The following KCNN4 variants were observed in gnomAD, a reference collection of about 807,000 sequenced individuals.
KCNN4 encodes intermediate conductance calcium-activated potassium channel protein 4.
A neutral mutation model predicts 45.2 loss-of-function variants in KCNN4; 31 were observed. That is an observed-to-expected ratio of 0.69 (90% CI 0.52 to 0.92). KCNN4 has a LOEUF of 0.92. Among genes scored for constraint, KCNN4 ranks in the 40% least tolerant of loss-of-function variants. The pLI, the probability that KCNN4 is intolerant of heterozygous loss-of-function variation, is 0.00. For missense variants in KCNN4, 463 were observed against 574.0 expected, an observed-to-expected ratio of 0.81 and a Z score of 1.98; for synonymous variants, 231 against 254.6, an observed-to-expected ratio of 0.91 and a Z score of 0.88.
intron 8 of KCNN4, 188 bp from the exon 9 acceptor site, chr19:43,767,277 G>A (rs777748017): frequency 2.1e-6 from 1 of 473,418 alleles, no homozygotes; most frequent in East Asian, 3.5e-5. Context: ...CAGACAATGT[G>A]CCCAGGACAG....
chr19:43,774,153 G>T lies in KCNN4; in HGVS notation c.683+39C>A. On this transcript the variant is annotated intron_variant, in intron 3 of 8. Coordinates refer to ENST00000648319, the MANE Select transcript of KCNN4 (RefSeq NM_002250.3). The surrounding 1 kb of genome is among the most constrained non-coding windows in gnomAD (Gnocchi z 5.6). ...ACAGGACGGCCGCCGTGGCTGTCCG[G>T]GGTTCCCCCCTGCGCATTTATGCCT... The T allele has an allele frequency of 2.5e-6, 4 of 1,569,668 alleles. No individual in the cohort carries two copies. Among genetic ancestry groups the T allele is most frequent in the Non-Finnish European group, 3.5e-6 (4 of 1,154,384 alleles).
rs1252503599 is a variant in KCNN4 at position 43,774,141 on chromosome 19, C to T, written c.683+51G>A. The T allele has an allele frequency of 3.9e-6, 6 of 1,538,770 alleles. No individual in the cohort carries two copies. Among genetic ancestry groups the T allele is most frequent in the Non-Finnish European group, 5.3e-6 (6 of 1,136,274 alleles). On this transcript the variant is annotated intron_variant, in intron 3 of 8. Transcript: ENST00000648319. The surrounding 1 kb of genome is among the most constrained non-coding windows in gnomAD (Gnocchi z 5.6). ...CTGCACCGCGGCACAGGACGGCCGC[C>T]GTGGCTGTCCGGGGTTCCCCCCTGC...
chr19:43,778,817 C>G (rs1480332877), intron 1 of KCNN4, among the ~76,000 whole-genome samples: 7 of 152,118 alleles, frequency 4.6e-5, no homozygotes, highest in Admixed American at 4.6e-4. Context: ...AGCCCCTCCC[C>G]CTGGGGAGCA....
Position 43,769,956 on chromosome 19 carries a change from G to T in KCNN4, c.820-127C>A. On this transcript the variant is annotated intron_variant, in intron 4 of 8. Transcript: ENST00000648319. The surrounding 1 kb of genome is among the most constrained non-coding windows in gnomAD (Gnocchi z 4.4). ...CAGACAAGCAAAGAGGCTCAGAGAG[G>T]AGAGCCAAGGTCCCAGCTCAGAGCG... 1.5e-6 allele frequency: 1 copy of T among 653,000 alleles called. No individual in the cohort carries two copies. 40.5% of individuals were successfully genotyped at this position (653,000 alleles called of 1,614,324 possible). A position where few individuals can be genotyped will look rare whatever the true frequency, so the allele number is the denominator to read the frequency against.
chr19:43,769,462 C>A lies in KCNN4; in HGVS notation c.1029G>T (p.Lys343Asn). 6.2e-7 allele frequency: 1 copy of A among 1,614,240 alleles called. No individual in the cohort carries two copies. The highest frequency in any genetic ancestry group is 8.5e-7 in the Non-Finnish European group (1 of 1,180,046). ...CTCACGCGTTGATGGCGGCCAGCAG[C>A]TTGCGCTGATGCCTGCGGGCAGCAT... The part of the protein sequence containing the change: ...ESHAARRHQR[K>N]LLAAINAFRQ... Residue 343 changes from lysine to asparagine, a missense_variant, in exon 6 of 9, where the codon AAG (lysine) becomes AAT (asparagine). Around this residue, in one of 3 missense-constraint regions of KCNN4, gnomAD observed 129 missense variants for 149.4 expected, o/e 0.86. Transcript: ENST00000648319. This position sits in a 1 kb window ranked among gnomAD's most constrained non-coding sequence, Gnocchi z 4.4.
chr19:43,776,690 G>C, intron 1 of KCNN4, 54 bp from the exon 2 acceptor site: 1 of 1,113,498 alleles, frequency 9.0e-7, no homozygotes, highest in Admixed American at 1.8e-5. Context: ...CCTCCGCCTG[G>C]CCCTCCACCT....
In KCNN4 at chr19:43,769,603, G is replaced by A. The variant is rs139584637; in HGVS notation, c.931-43C>T. 3.6e-5 allele frequency: 58 copies of A among 1,592,130 alleles called. No homozygotes were observed. The African/African-American group carries it at 5.8e-4, about 16-fold the overall frequency. On this transcript the variant is annotated intron_variant, in intron 5 of 8. Coordinates refer to ENST00000648319, the MANE Select transcript of KCNN4 (RefSeq NM_002250.3). The surrounding 1 kb of genome is among the most constrained non-coding windows in gnomAD (Gnocchi z 4.4). Reference sequence around the variant, plus strand: ...AGTGTCCGTGGAGATAGACCCTTACGGTTCTGGGAAGGCAGGGCTAGGGCT... The same window carrying A: ...AGTGTCCGTGGAGATAGACCCTTACAGTTCTGGGAAGGCAGGGCTAGGGCT...
intron 4 of KCNN4, among the ~76,000 whole-genome samples, chr19:43,770,249 C>T (rs1969606925): frequency 6.6e-6 from 1 of 152,130 alleles, no homozygotes; most frequent in African/African-American, 2.4e-5. Flanking sequence ...GCCTCCCACT[C>T]ATCCTCCCCT....
At chr19:43,775,896 G>A (rs1969787300) in intron 2 of KCNN4, among the ~76,000 whole-genome samples, 1 of 152,012 alleles carries the variant, frequency 6.6e-6, no homozygotes, top group Admixed American at 6.6e-5. Context: ...GGAGGACAAG[G>A]TGGGCAGACT....
chr19:43,774,437 G>A lies in KCNN4; in HGVS notation c.438C>T (p.Gly146=), dbSNP rs766032350. ...CCAGGGACAGCAGCGCTTCCCCTTG[G>A]CCCAGGAATCCCGGCCAGGGCTGCG... ...TSPQPWPGFL[G]QGEALLSLAM... The change falls in exon 3 of 9, where the codon GGC becomes GGT. Residue 146 remains glycine (G), a synonymous_variant. Coordinates refer to ENST00000648319, the MANE Select transcript of KCNN4 (RefSeq NM_002250.3). The surrounding 1 kb of genome is among the most constrained non-coding windows in gnomAD (Gnocchi z 5.6). 3.7e-5 allele frequency: 59 copies of A among 1,596,138 alleles called. No individual in the cohort carries two copies. Among genetic ancestry groups the A allele is most frequent in the Admixed American group, 7.0e-5 (4 of 57,318 alleles).
At chr19:43,777,320 T>TGTGTGTGG (rs1247716395) in intron 1 of KCNN4, among the ~76,000 whole-genome samples, 22 of 149,172 alleles carry the variant, frequency 1.5e-4, no homozygotes, top group African/African-American at 5.0e-4. Flanking sequence ...TGTGTGTGTG[T>TGTGTGTGG]GTGTGGGTGT....
chr19:43,767,754 C>T (rs201005538), intron 7 of KCNN4, 47 bp from the exon 8 acceptor site: 1 of 1,609,208 alleles, frequency 6.2e-7, no homozygotes, highest in Non-Finnish European at 8.5e-7. Flanking sequence ...GGGTCGACCC[C>T]CACCTACTCC....
chr19:43,767,714 G>T lies in KCNN4; in HGVS notation c.1120-7C>A, dbSNP rs376585088. The T allele has an allele frequency of 1.9e-6, 3 of 1,614,112 alleles. No individual in the cohort carries two copies. Among genetic ancestry groups the T allele is most frequent in the Admixed American group, 3.3e-5 (2 of 60,030 alleles). On this transcript the variant is annotated splice_region_variant and splice_polypyrimidine_tract_variant and intron_variant, in intron 7 of 8. Transcript: ENST00000648319. ...CATACAGGATCATGTGCATCTGGGT[G>T]GGAGGAGAGGATCAGAGGTGTCGGG...
At chr19:43,768,876 A>C in intron 7 of KCNN4, 87 bp downstream of exon 7, 1 of 1,334,284 alleles carries the variant, frequency 7.5e-7, no homozygotes, top group Non-Finnish European at 1.1e-6. Context: ...GGCCCCTGCC[A>C]AGGTTCCCTG....
chr19:43,768,921 C>A, intron 7 of KCNN4, 42 bp downstream of exon 7: 1 of 1,605,640 alleles, frequency 6.2e-7, no homozygotes, highest in Non-Finnish European at 8.5e-7. Flanking sequence ...GTGGCCCCAA[C>A]CTCCCCCTTC....
intron 7 of KCNN4, 63 bp downstream of exon 7, chr19:43,768,900 T>C (rs1028404851): frequency 3.2e-6 from 5 of 1,553,770 alleles, no homozygotes; most frequent in Non-Finnish European, 4.4e-6. Flanking sequence ...TAGGGCCAGA[T>C]TTCCCTCCCT....
chr19:43,767,748 C>T (rs368694213), intron 7 of KCNN4, 41 bp from the exon 8 acceptor site: 28 of 1,610,774 alleles, frequency 1.7e-5, no homozygotes, highest in East Asian at 8.9e-5. Flanking sequence ...GGGCTGGGGT[C>T]GACCCCCACC....
Position 43,769,567 on chromosome 19 carries a change from G to T in KCNN4, c.931-7C>A. ...GGGCAGCGGACTCCTTCATCTGGGG[G>T]TGGGTGGCACAGTGTCCGTGGAGAT... On this transcript the variant is annotated splice_polypyrimidine_tract_variant and splice_region_variant and intron_variant, in intron 5 of 8. Transcript: ENST00000648319. The surrounding 1 kb of genome is among the most constrained non-coding windows in gnomAD (Gnocchi z 4.4). 1.2e-6 allele frequency: 2 copies of T among 1,611,718 alleles called. No individual in the cohort carries two copies. Among genetic ancestry groups the T allele is most frequent in the Non-Finnish European group, 1.7e-6 (2 of 1,177,790 alleles).
intron 1 of KCNN4, among the ~76,000 whole-genome samples, chr19:43,778,313 C>T (rs772065190): frequency 6.6e-6 from 1 of 152,112 alleles, no homozygotes; most frequent in Non-Finnish European, 1.5e-5. Flanking sequence ...GATCTTGGCT[C>T]ATTGCAAGCT....
Sources: allele counts gnomAD v4.1 joint callset (sites outside exome capture counted in the v4.1 genomes callset), GRCh38; gene constraint gnomAD v4.1.1; regional missense constraint gnomAD v4.1.1; non-coding constraint Gnocchi (gnomAD v3.1); transcripts MANE v1.5; gene names NCBI Gene and HGNC (gene_info 2026-07-23, HGNC 2026-07-21).